POU6F2: variants seen among roughly 807,000 people sequenced by gnomAD.
POU6F2 encodes POU domain, class 6, transcription factor 2.
A neutral mutation model predicts 71.3 loss-of-function variants in POU6F2; 31 were observed. That is an observed-to-expected ratio of 0.43 (90% CI 0.33 to 0.59). The LOEUF (loss-of-function observed/expected upper bound fraction) is 0.59, where lower values mean the gene tolerates loss of function less well. POU6F2 is among the 20% of genes least tolerant of loss of function. The probability of loss-of-function intolerance (pLI) is 0.04; values close to 1 mark genes in which losing one functional copy is unlikely to be tolerated. For synonymous variants in POU6F2, 347 were observed against 355.7 expected (o/e 0.98, Z 0.27); for missense variants, 783 against 856.8 (o/e 0.91, Z 1.07).
intron 1 of POU6F2, among the ~76,000 whole-genome samples, chr7:38,989,826 TTTGTG>T (rs779835595): frequency 0.1 from 14,346 of 139,092 alleles, 739 homozygotes; most frequent in Non-Finnish European, 0.13. Flanking sequence ...TGTGTGTGTG[TTTGTG>T]TGTGTGTGTG....
intron 2 of POU6F2, among the ~76,000 whole-genome samples, chr7:39,172,593 T>A (rs1489786455): frequency 8.3e-6 from 1 of 120,734 alleles, no homozygotes; most frequent in African/African-American, 3.2e-5. Context: ...ATTATCAGAA[T>A]TATCAGAGGC....
intron 4 of POU6F2, among the ~76,000 whole-genome samples, chr7:39,298,110 A>C (rs1187217772): frequency 1.3e-5 from 2 of 152,200 alleles, no homozygotes; most frequent in African/African-American, 4.8e-5. Flanking sequence ...ATGAGCAAAG[A>C]CTTCATGACA....
chr7:39,242,175 C>A (rs1032677647), intron 4 of POU6F2, among the ~76,000 whole-genome samples: 3 of 152,058 alleles, frequency 2.0e-5, no homozygotes, highest in Admixed American at 1.3e-4. Context: ...TAAACGTTTG[C>A]ATATAGGTTT....
rs756805547 is a variant in POU6F2, at chr7:39,028,861, AC to A, written c.105+50804del. 9.9e-5 allele frequency among the ~76,000 whole-genome samples: 15 copies of A among 152,228 alleles called. 1 individual carries two copies. In the East Asian group the frequency reaches 2.7e-3, roughly 27 times the overall value. The stretch of plus-strand genomic sequence containing the variant: ...TACTCTGCCACCCAGGCTGTAGTGT[AC>A]TGGCACAATCACAATTCATTGCAGC... On this transcript the variant is annotated intron_variant, in intron 1 of 9. Coordinates refer to ENST00000518318, the MANE Select transcript of POU6F2 (RefSeq NM_001370959.1).
chr7:39,056,662 CTGTGTGTGTGTGTGTATGTGTGTGTGTG>C (rs1424664980), intron 1 of POU6F2, among the ~76,000 whole-genome samples: 1 of 113,330 alleles, frequency 8.8e-6, no homozygotes, highest in Non-Finnish European at 1.8e-5. Context: ...CTCTCTCTCT[CTGTGTGTGTGTGTGTATGTGTGTGTGTG>C]TGTGTGTGTG....
At chr7:39,213,838 A>G (rs1794189487) in intron 4 of POU6F2, among the ~76,000 whole-genome samples, 1 of 152,206 alleles carries the variant, frequency 6.6e-6, no homozygotes. Flanking sequence ...GGGTGTCTCT[A>G]GGGAAGCACC....
At chr7:39,159,851 C>G (rs1792954704) in intron 2 of POU6F2, among the ~76,000 whole-genome samples, 1 of 151,924 alleles carries the variant, frequency 6.6e-6, no homozygotes, top group Non-Finnish European at 1.5e-5. Flanking sequence ...GGAAGTGAGG[C>G]CAGAGAAGAG....
At chr7:39,347,524 G>A (rs1786054141) in intron 5 of POU6F2, among the ~76,000 whole-genome samples, 2 of 152,124 alleles carry the variant, frequency 1.3e-5, no homozygotes, top group Non-Finnish European at 2.9e-5. Context: ...AGAACAGAAA[G>A]AAAGGACTGT....
intron 4 of POU6F2, among the ~76,000 whole-genome samples, chr7:39,326,516 A>G (rs1440742149): frequency 6.6e-6 from 1 of 152,236 alleles, no homozygotes; most frequent in Non-Finnish European, 1.5e-5. Flanking sequence ...AGGTTATCCA[A>G]ACATCAATTA....
At chr7:39,071,654 A>AAC (rs10522287) in intron 1 of POU6F2, among the ~76,000 whole-genome samples, 3,288 of 141,932 alleles carry the variant, frequency 0.023, 45 homozygotes, top group Non-Finnish European at 0.029. Context: ...TCTCTAAAGA[A>AAC]ACACACACAC....
intron 4 of POU6F2, among the ~76,000 whole-genome samples, chr7:39,321,339 G>A (rs568633044): frequency 1.9e-4 from 29 of 152,302 alleles, no homozygotes; most frequent in Non-Finnish European, 3.5e-4. Flanking sequence ...GTAGGATCAT[G>A]ACAGAGGGAA....
At chr7:39,436,106 G>A (rs982683530) in intron 7 of POU6F2, among the ~76,000 whole-genome samples, 1 of 151,968 alleles carries the variant, frequency 6.6e-6, no homozygotes, top group Non-Finnish European at 1.5e-5. Flanking sequence ...GGCTATATGG[G>A]GTCTTCTTTG....
chr7:39,101,365 A>G (rs1016277941), intron 2 of POU6F2, among the ~76,000 whole-genome samples: 5 of 151,984 alleles, frequency 3.3e-5, no homozygotes, highest in Admixed American at 2.6e-4. Flanking sequence ...GTGAGCCGCC[A>G]TGCCAGGCTG....
At chr7:38,999,685 T>C (rs1229014) in intron 1 of POU6F2, among the ~76,000 whole-genome samples, 48,296 of 152,108 alleles carry the variant, frequency 0.32, 7,875 homozygotes, top group Middle Eastern at 0.39. Flanking sequence ...TTGGTCGACA[T>C]ATCCAATGAC....
At chr7:39,014,777 A>T (rs979583989) in intron 1 of POU6F2, among the ~76,000 whole-genome samples, 1 of 152,082 alleles carries the variant, frequency 6.6e-6, no homozygotes, top group Non-Finnish European at 1.5e-5. Flanking sequence ...GGTCCTGCAG[A>T]TCATTCTCTC....
chr7:39,456,919 G>T (rs1047588145), intron 8 of POU6F2, among the ~76,000 whole-genome samples: 2 of 152,144 alleles, frequency 1.3e-5, no homozygotes, highest in African/African-American at 2.4e-5. Flanking sequence ...GTTTCTTGGG[G>T]GCCTCATGGA....
chr7:39,335,552 T>G (rs1273924548), intron 4 of POU6F2, among the ~76,000 whole-genome samples: 1 of 152,182 alleles, frequency 6.6e-6, no homozygotes, highest in Non-Finnish European at 1.5e-5. Flanking sequence ...AATCCTGTCA[T>G]GTAAGAGGTT....
At chr7:39,256,187 C>T (rs1784018697) in intron 4 of POU6F2, among the ~76,000 whole-genome samples, 1 of 151,382 alleles carries the variant, frequency 6.6e-6, no homozygotes, top group South Asian at 2.1e-4. Context: ...GCTTTCATTA[C>T]TCTCACCTTG....
chr7:39,272,843 A>G (rs942075296), intron 4 of POU6F2, among the ~76,000 whole-genome samples: 4 of 152,250 alleles, frequency 2.6e-5, no homozygotes, highest in African/African-American at 9.6e-5. Context: ...CTTAGCACTT[A>G]GATTATATTT....
Sources: gnomAD v4.1 joint callset for allele counts (sites outside exome capture counted in the v4.1 genomes callset) on GRCh38, gnomAD v4.1.1 for gene constraint, MANE v1.5 for transcripts, NCBI Gene and HGNC (gene_info 2026-07-23, HGNC 2026-07-21) for gene names.